Variants in ABLIM1 observed in about 807,000 individuals in gnomAD.
The protein encoded by ABLIM1 is actin binding LIM protein 1.
A neutral mutation model predicts 107.0 loss-of-function variants in ABLIM1; 40 were observed. The observed-to-expected ratio is 0.37, with a 90% CI of 0.29 to 0.49. ABLIM1 has a LOEUF of 0.49. Among genes scored for constraint, ABLIM1 ranks in the 20% least tolerant of loss-of-function variants. The pLI is 0.97. For missense variants in ABLIM1, 857 were observed against 1,008.5 expected (o/e 0.85, Z 2.04); for synonymous variants, 357 against 357.3 (o/e 1.00, Z 0.01).
At chr10:114,517,971 T>C (rs935508616) in intron 6 of ABLIM1, among the ~76,000 whole-genome samples, 1 of 149,222 alleles carries the variant, frequency 6.7e-6, no homozygotes, top group Non-Finnish European at 1.5e-5. Flanking sequence ...CACACATACT[T>C]TTTTTTTTTG....
At chr10:114,752,214 G>A (rs1305776919) in intron 1 of ABLIM1, among the ~76,000 whole-genome samples, 2 of 152,164 alleles carry the variant, frequency 1.3e-5, no homozygotes, top group African/African-American at 4.8e-5. Context: ...CTAGGGATGG[G>A]GAATGGAGGT....
intron 1 of ABLIM1, among the ~76,000 whole-genome samples, chr10:114,664,018 A>G (rs1411651715): frequency 6.6e-6 from 1 of 152,158 alleles, no homozygotes; most frequent in Non-Finnish European, 1.5e-5. Context: ...GGCAAACCTC[A>G]TGTTCACTGT....
intron 6 of ABLIM1, chr10:114,501,961 G>T (rs2060487926): frequency 6.6e-6 from 1 of 152,112 alleles, no homozygotes; most frequent in South Asian, 2.1e-4. Flanking sequence ...TAGTTTCACT[G>T]CCCTAAAAAT....
At chr10:114,504,728 C>A (rs1383958861) in intron 6 of ABLIM1, among the ~76,000 whole-genome samples, 2 of 152,176 alleles carry the variant, frequency 1.3e-5, no homozygotes, top group Non-Finnish European at 2.9e-5. Flanking sequence ...ATCTGTTAGG[C>A]TGGACTGAAC....
intron 8 of ABLIM1, among the ~76,000 whole-genome samples, chr10:114,485,948 C>A (rs933865030): frequency 5.9e-5 from 9 of 152,180 alleles, no homozygotes; most frequent in Admixed American, 5.9e-4. Context: ...TCAGTGTGAA[C>A]CCCGGCTCTG....
At chr10:114,545,666 T>C (rs1221994690) in intron 5 of ABLIM1, among the ~76,000 whole-genome samples, 1 of 152,042 alleles carries the variant, frequency 6.6e-6, no homozygotes, top group Non-Finnish European at 1.5e-5. Context: ...GGCTCATGCC[T>C]GTAGTCCCAG....
chr10:114,637,237 GA>G (rs2078527016), intron 1 of ABLIM1, among the ~76,000 whole-genome samples: 3 of 152,038 alleles, frequency 2.0e-5, no homozygotes, highest in Admixed American at 2.0e-4. Flanking sequence ...TGCAAAGCAC[GA>G]GGATAGACTG....
intron 1 of ABLIM1, among the ~76,000 whole-genome samples, chr10:114,695,023 T>C (rs1416279859): frequency 6.6e-6 from 1 of 152,212 alleles, no homozygotes; most frequent in Non-Finnish European, 1.5e-5. Flanking sequence ...GGGGAATTTA[T>C]GTGCATGTTA....
chr10:114,622,247 C>CTT (rs71007483), intron 1 of ABLIM1, among the ~76,000 whole-genome samples: 1,574 of 136,538 alleles, frequency 0.012, 32 homozygotes, highest in African/African-American at 0.033. Flanking sequence ...TTTTCTTTTT[C>CTT]TTTTTTTTTT....
intron 1 of ABLIM1, among the ~76,000 whole-genome samples, chr10:114,702,322 C>T (rs945153048): frequency 2.0e-5 from 3 of 152,030 alleles, no homozygotes; most frequent in African/African-American, 7.2e-5. Context: ...TACAGATATT[C>T]TAATGAGTTA....
intron 1 of ABLIM1, among the ~76,000 whole-genome samples, chr10:114,617,650 G>A (rs1292511754): frequency 6.6e-6 from 1 of 152,078 alleles, no homozygotes; most frequent in Non-Finnish European, 1.5e-5. Flanking sequence ...CTTCTACTCT[G>A]ATGCTTAAAG....
intron 1 of ABLIM1, among the ~76,000 whole-genome samples, chr10:114,756,125 G>C (rs1438366565): frequency 6.6e-6 from 1 of 151,726 alleles, no homozygotes; most frequent in East Asian, 1.9e-4. Context: ...AGTAAGAAAA[G>C]GATGTAGATT....
At chr10:114,732,180 CTTT>C (rs113276247) in intron 1 of ABLIM1, among the ~76,000 whole-genome samples, 2 of 109,874 alleles carry the variant, frequency 1.8e-5, no homozygotes, top group African/African-American at 3.3e-5. Context: ...CTTTTCTTTT[CTTT>C]TTTTTTTTTT....
chr10:114,715,328 CA>C, intron 1 of ABLIM1, among the ~76,000 whole-genome samples: 1 of 152,182 alleles, frequency 6.6e-6, no homozygotes, highest in Non-Finnish European at 1.5e-5. Context: ...TTTTTACAAA[CA>C]CACCAAAGAT....
chr10:114,787,134 C>A, the ABLIM1 span, among the ~76,000 whole-genome samples: 2 of 151,442 alleles, frequency 1.3e-5, no homozygotes, highest in African/African-American at 4.9e-5. Flanking sequence ...GTGGGGAGCG[C>A]CTCTGCCCTG....
chr10:114,628,891 A>G (rs548756441), intron 1 of ABLIM1, among the ~76,000 whole-genome samples: 1 of 152,320 alleles, frequency 6.6e-6, no homozygotes, highest in Admixed American at 6.5e-5. Flanking sequence ...AAATGAGTAT[A>G]GTGGGCCTCT....
intron 2 of ABLIM1, among the ~76,000 whole-genome samples, chr10:114,581,653 G>A (rs1450336627): frequency 6.6e-6 from 1 of 152,082 alleles, no homozygotes; most frequent in African/African-American, 2.4e-5. Context: ...TTTAATTGGG[G>A]TGCCAGTAGC....
chr10:114,702,594 T>G (rs1365951233), intron 1 of ABLIM1, among the ~76,000 whole-genome samples: 2 of 150,388 alleles, frequency 1.3e-5, no homozygotes, highest in African/African-American at 4.9e-5. Flanking sequence ...TGGCGCGATC[T>G]CGGCTCACTG....
intron 2 of ABLIM1, among the ~76,000 whole-genome samples, chr10:114,583,194 CA>C (rs2073629156): frequency 6.6e-6 from 1 of 150,590 alleles, no homozygotes; most frequent in African/African-American, 2.4e-5. Flanking sequence ...AAAAAGTGGC[CA>C]AAAAACATGT....
Sources: gnomAD v4.1 joint callset for allele counts (sites outside exome capture counted in the v4.1 genomes callset) on GRCh38, gnomAD v4.1.1 for gene constraint, MANE v1.5 for transcripts, NCBI Gene and HGNC (gene_info 2026-07-23, HGNC 2026-07-21) for gene names.